Variants in SOX5 observed in about 807,000 individuals in gnomAD.
SOX5 encodes SRY-box transcription factor 5.
SOX5 carries 9 observed loss-of-function variants against 92.0 expected under a neutral mutation model. That is an observed-to-expected ratio of 0.10 (90% CI 0.06 to 0.17). The LOEUF (loss-of-function observed/expected upper bound fraction) is 0.17, where lower values mean the gene tolerates loss of function less well. Among genes scored for constraint, SOX5 ranks in the 10% least tolerant of loss-of-function variants. The pLI is 1.00. For missense variants in SOX5, 642 were observed against 944.5 expected (o/e 0.68, Z 4.20); for synonymous variants, 344 against 336.3 (o/e 1.02, Z -0.25).
intron 4 of SOX5, among the ~76,000 whole-genome samples, chr12:24,207,721 G>T (rs150596695): frequency 2.6e-5 from 4 of 152,080 alleles, no homozygotes; most frequent in South Asian, 2.1e-4. Context: ...TATTCCATGC[G>T]ATCTTCAAAA....
chr12:24,301,541 G>A (rs992363742), intron 2 of SOX5, among the ~76,000 whole-genome samples: 2 of 152,124 alleles, frequency 1.3e-5, no homozygotes, highest in African/African-American at 4.8e-5. Flanking sequence ...TAACTTTGTG[G>A]AAAGTTTCTA....
chr12:23,880,869 A>G (rs1033277677), intron 2 of SOX5, among the ~76,000 whole-genome samples: 2 of 152,232 alleles, frequency 1.3e-5, no homozygotes, highest in African/African-American at 4.8e-5. Context: ...AATGCTCACA[A>G]TCATATTCTT....
intron 1 of SOX5, among the ~76,000 whole-genome samples, chr12:24,534,684 T>C (rs1365303085): frequency 6.6e-6 from 1 of 152,170 alleles, no homozygotes; most frequent in East Asian, 1.9e-4. Context: ...GAGCCAAAAA[T>C]GCAGAGCTGA....
At chr12:24,327,828 G>C (rs866854342) in intron 2 of SOX5, among the ~76,000 whole-genome samples, 3 of 151,670 alleles carry the variant, frequency 2.0e-5, no homozygotes, top group African/African-American at 7.3e-5. Flanking sequence ...TCCTGACCTC[G>C]TGATCCGCCC....
intron 4 of SOX5, among the ~76,000 whole-genome samples, chr12:24,116,727 T>C (rs1408486791): frequency 6.6e-6 from 1 of 152,142 alleles, no homozygotes; most frequent in Non-Finnish European, 1.5e-5. Context: ...GAAATGTAAA[T>C]GCTTGTGTTT....
At chr12:23,590,605 C>T (rs1951395522) in intron 9 of SOX5, among the ~76,000 whole-genome samples, 1 of 152,006 alleles carries the variant, frequency 6.6e-6, no homozygotes, top group Admixed American at 6.6e-5. Context: ...ACTTAGCCTA[C>T]AGTATTTTAA....
chr12:23,805,295 A>G (rs1324970912), intron 3 of SOX5, among the ~76,000 whole-genome samples: 2 of 151,914 alleles, frequency 1.3e-5, no homozygotes, highest in African/African-American at 4.8e-5. Context: ...CAGTTTTTCT[A>G]TCTATAGTGG....
At chr12:23,954,688 C>T (rs1451983054), upstream of SOX5, among the ~76,000 whole-genome samples, 3 of 152,010 alleles carry the variant, frequency 2.0e-5, no homozygotes, top group Non-Finnish European at 4.4e-5. Flanking sequence ...TGCCAAGGAA[C>T]TGGTACACAA....
At chr12:23,589,565 ATACTT>A (rs891009239) in intron 9 of SOX5, among the ~76,000 whole-genome samples, 6 of 151,944 alleles carry the variant, frequency 3.9e-5, no homozygotes, top group African/African-American at 1.4e-4. Flanking sequence ...TAAATGGCGA[ATACTT>A]TATTTAAAGC....
At chr12:24,454,930 T>C (rs1942819328) in intron 1 of SOX5, among the ~76,000 whole-genome samples, 1 of 152,100 alleles carries the variant, frequency 6.6e-6, no homozygotes, top group African/African-American at 2.4e-5. Flanking sequence ...TTTCACTCTC[T>C]CTTCTTAGAA....
chr12:23,800,023 T>C (rs1477741781), intron 3 of SOX5, among the ~76,000 whole-genome samples: 1 of 152,032 alleles, frequency 6.6e-6, no homozygotes, highest in Admixed American at 6.6e-5. Context: ...ACAGTGTACT[T>C]GAAAGACAGC....
intron 1 of SOX5, among the ~76,000 whole-genome samples, chr12:24,405,862 A>G (rs951817543): frequency 2.0e-5 from 3 of 152,190 alleles, no homozygotes; most frequent in Admixed American, 2.0e-4. Context: ...GGAGGGGAAG[A>G]GGCTTTAAGA....
intron 1 of SOX5, among the ~76,000 whole-genome samples, chr12:24,415,238 C>T (rs1411747310): frequency 2.0e-5 from 3 of 152,184 alleles, no homozygotes; most frequent in African/African-American, 7.2e-5. Context: ...CAACAAATCC[C>T]TTCAGGATAG....
intron 2 of SOX5, among the ~76,000 whole-genome samples, chr12:24,290,638 AC>A (rs1468341516): frequency 1.3e-5 from 2 of 149,296 alleles, no homozygotes; most frequent in Non-Finnish European, 3.0e-5. Flanking sequence ...CCTCCCCACC[AC>A]CCCCCTCTCC....
chr12:24,477,886 A>G (rs888153307), intron 1 of SOX5, among the ~76,000 whole-genome samples: 2 of 152,108 alleles, frequency 1.3e-5, no homozygotes, highest in Admixed American at 1.3e-4. Flanking sequence ...TTTGAAGTCT[A>G]TTAAAACAAA....
intron 4 of SOX5, among the ~76,000 whole-genome samples, chr12:24,150,283 G>A (rs1000198009): frequency 3.9e-5 from 6 of 152,054 alleles, no homozygotes; most frequent in Admixed American, 2.0e-4. Flanking sequence ...AAAAAATAAT[G>A]ACTGGCTGTC....
intron 8 of SOX5, chr12:23,632,243 T>C (rs1187653318): frequency 6.6e-6 from 1 of 152,134 alleles, no homozygotes; most frequent in African/African-American, 2.4e-5. Context: ...TTCAGTCTTT[T>C]AACCTGCAAG....
chr12:24,339,859 G>A (rs1467859062), intron 2 of SOX5, among the ~76,000 whole-genome samples: 1 of 152,182 alleles, frequency 6.6e-6, no homozygotes. Context: ...GCTTACAATT[G>A]AGCCACTTCT....
At chr12:24,106,831 AATAATAAT>A (rs1946747460) in intron 4 of SOX5, among the ~76,000 whole-genome samples, 1 of 127,270 alleles carries the variant, frequency 7.9e-6, no homozygotes. Context: ...TAATAATAAT[AATAATAAT>A]AAATAGAAGC....
Sources: allele counts gnomAD v4.1 joint callset (sites outside exome capture counted in the v4.1 genomes callset), GRCh38; gene constraint gnomAD v4.1.1; transcripts MANE v1.5; gene names NCBI Gene and HGNC (gene_info 2026-07-23, HGNC 2026-07-21).